The following PLVAP variants were observed in gnomAD, a reference collection of about 807,000 sequenced individuals.
The protein encoded by PLVAP is plasmalemma vesicle associated protein, also known as plasmalemma vesicle-associated protein.
PLVAP carries 34 observed loss-of-function variants against 43.1 expected under a neutral mutation model. The ratio of observed to expected loss-of-function variants is 0.79; its 90% CI spans 0.60 to 1.05. The LOEUF (loss-of-function observed/expected upper bound fraction) is 1.05. Ranked by LOEUF, PLVAP falls within the 50% of genes least tolerant of loss-of-function variation. The pLI, the probability that PLVAP is intolerant of heterozygous loss-of-function variation, is 0.00. For missense variants in PLVAP, 574 were observed against 593.4 expected, an observed-to-expected ratio of 0.97 and a Z score of 0.34; for synonymous variants, 241 against 237.3, an observed-to-expected ratio of 1.02 and a Z score of -0.14.
chr19:17,352,766 C>G (rs2074491463), intron 5 of PLVAP, among the ~76,000 whole-genome samples: 1 of 152,098 alleles, frequency 6.6e-6, no homozygotes, highest in Non-Finnish European at 1.5e-5. Context: ...TCCCCCAGAC[C>G]CCTACACTGG....
At chr19:17,364,084 TTTTG>T (rs763624255) in intron 3 of PLVAP, among the ~76,000 whole-genome samples, 14 of 149,006 alleles carry the variant, frequency 9.4e-5, no homozygotes, top group African/African-American at 2.7e-4. Context: ...GGGTTTTGTG[TTTTG>T]TTTGTTTGTT....
intron 1 of PLVAP, among the ~76,000 whole-genome samples, chr19:17,373,717 G>C (rs2145727543): frequency 6.6e-6 from 1 of 152,238 alleles, no homozygotes; most frequent in Middle Eastern, 3.4e-3. Context: ...TAGTGAGTTT[G>C]ACACAAGCCG....
rs367726351 is a variant in PLVAP, at chr19:17,365,877, C to T, written c.588G>A (p.Gln196=). Residue 196 remains glutamine, a synonymous_variant, in exon 3 of 6, where the codon CAG becomes CAA. Transcript: ENST00000252590. ...VLLNKRVAEE[Q]LVECVKTREL... ...CCCGGGTTTTCACGCATTCAACCAGCTGTTCCTCCGCCACGCGTTTGTTCA... is the reference window on the plus strand; with the variant it reads ...CCCGGGTTTTCACGCATTCAACCAGTTGTTCCTCCGCCACGCGTTTGTTCA... The T allele has an allele frequency of 6.2e-7, 1 of 1,613,972 alleles. No individual in the cohort carries two copies. Among genetic ancestry groups the T allele is most frequent in the African/African-American group, 1.3e-5 (1 of 74,932 alleles).
rs746457433 is a variant in PLVAP at position 17,376,813 on chromosome 19, A to G, written c.369+107T>C. 3.7e-5 allele frequency: 42 copies of G among 1,125,628 alleles called. 1 individual carries two copies. Among genetic ancestry groups the G allele is most frequent in the Middle Eastern group, 2.9e-4 (1 of 3,448 alleles). 69.7% of individuals were successfully genotyped at this position (1,125,628 alleles called of 1,614,324 possible). A position where few individuals can be genotyped will look rare whatever the true frequency, so the allele number is the denominator to read the frequency against. On this transcript the variant is annotated intron_variant, in intron 1 of 5. Coordinates refer to ENST00000252590, the MANE Select transcript of PLVAP (RefSeq NM_031310.3). ...ACTCTGTCTCATAAGAAAAGAGAGCATTGGTCCTGTGATCGTCCCCCTCTC... is the reference window on the plus strand; with the variant it reads ...ACTCTGTCTCATAAGAAAAGAGAGCGTTGGTCCTGTGATCGTCCCCCTCTC...
chr19:17,370,571 A>G (rs2074568210), intron 1 of PLVAP, among the ~76,000 whole-genome samples: 2 of 152,188 alleles, frequency 1.3e-5, no homozygotes, highest in African/African-American at 4.8e-5. Context: ...TTCCACTGAC[A>G]TGAAATGCCC....
At chr19:17,359,450 G>C (rs1453033573) in intron 5 of PLVAP, among the ~76,000 whole-genome samples, 1 of 151,386 alleles carries the variant, frequency 6.6e-6, no homozygotes, top group East Asian at 1.9e-4. Context: ...TCTGTTCCCA[G>C]GCTGGAGTGC....
intron 5 of PLVAP, among the ~76,000 whole-genome samples, chr19:17,352,787 A>G (rs2074491527): frequency 6.6e-6 from 1 of 152,120 alleles, no homozygotes; most frequent in Admixed American, 6.5e-5. Context: ...TTCCCAAGGC[A>G]AGGCTTCGGT....
At chr19:17,361,796 G>T (rs983952943) in intron 3 of PLVAP, among the ~76,000 whole-genome samples, 9 of 152,132 alleles carry the variant, frequency 5.9e-5, no homozygotes, top group Non-Finnish European at 1.2e-4. Context: ...CGGGCCAGGC[G>T]TGGTGGCTCA....
chr19:17,374,728 T>C (rs2074587872), intron 1 of PLVAP, among the ~76,000 whole-genome samples: 1 of 152,054 alleles, frequency 6.6e-6, no homozygotes, highest in Middle Eastern at 3.4e-3. Context: ...TGGGCTCAAG[T>C]GATCCTCCCA....
Position 17,377,304 on chromosome 19 carries a change from G to C in PLVAP, c.-16C>G. 2.5e-6 allele frequency: 4 copies of C among 1,592,350 alleles called. No homozygotes were observed. The highest frequency in any genetic ancestry group is 2.6e-6 in the Non-Finnish European group (3 of 1,165,668). On this transcript the variant is annotated 5_prime_UTR_variant, in exon 1 of 6. Coordinates refer to ENST00000252590, the MANE Select transcript of PLVAP (RefSeq NM_031310.3). ...CCAGACCCATTTGCTCGATCCCGCC[G>C]TCCGGTGCACCGTCCCTGCTCACCA...
At chr19:17,363,078 A>C (rs1260057832) in intron 3 of PLVAP, among the ~76,000 whole-genome samples, 3 of 152,122 alleles carry the variant, frequency 2.0e-5, no homozygotes, top group African/African-American at 7.2e-5. Flanking sequence ...TCGTTTTTAG[A>C]ATTGGGAGCA....
At chr19:17,366,310 T>G (rs2074550026) in intron 1 of PLVAP, 115 bp from the exon 2 acceptor site, 1 of 923,014 alleles carries the variant, frequency 1.1e-6, no homozygotes, top group Non-Finnish European at 1.7e-6. Flanking sequence ...CACAAGGGCA[T>G]GGTCCCTTTA....
intron 5 of PLVAP, among the ~76,000 whole-genome samples, chr19:17,353,164 C>T (rs1208344769): frequency 6.6e-6 from 1 of 152,200 alleles, no homozygotes; most frequent in Non-Finnish European, 1.5e-5. Context: ...CCTTCCTTCC[C>T]CGGCTCTTCC....
intron 1 of PLVAP, among the ~76,000 whole-genome samples, chr19:17,366,641 T>C (rs1280999518): frequency 1.3e-5 from 2 of 151,850 alleles, no homozygotes; most frequent in Non-Finnish European, 2.9e-5. Flanking sequence ...TTTTTTTTTT[T>C]TGAAATGGAG....
At position 17,352,169 on chromosome 19, in the gene PLVAP, G is replaced by C. The variant is rs150081678; in HGVS notation, c.*193C>G. 9.5e-3 allele frequency: 6,713 copies of C among 707,420 alleles called. 73 individuals carry two copies. Among genetic ancestry groups the C allele is most frequent in the Middle Eastern group, 0.032 (78 of 2,464 alleles). 43.8% of individuals were successfully genotyped at this position (707,420 alleles called of 1,614,324 possible). ...GTCATCTCCGCGGCCGTGTGCTCTG[G>C]GTGAGGGATCGTGAGGCGCGGGTGC... On this transcript the variant is annotated 3_prime_UTR_variant, in exon 6 of 6. Coordinates refer to ENST00000252590, the MANE Select transcript of PLVAP (RefSeq NM_031310.3).
Position 17,351,810 on chromosome 19 carries a change from AGTGT to A in PLVAP, c.*548_*551del, listed in dbSNP as rs941946543. 1.3e-5 allele frequency: 2 copies of A among 153,990 alleles called. No individual in the cohort carries two copies. Among genetic ancestry groups the A allele is most frequent in the African/African-American group, 4.8e-5 (2 of 41,426 alleles). 9.5% of individuals were successfully genotyped at this position (153,990 alleles called of 1,614,324 possible). ...GACACTAGGTGAGAATTGGGTAGAA[AGTGT>A]GTGTGAAAGGGCATGCGTGCATGTG... is the stretch of plus-strand genomic sequence containing the variant. On this transcript the variant is annotated 3_prime_UTR_variant, in exon 6 of 6. Coordinates refer to ENST00000252590, the MANE Select transcript of PLVAP (RefSeq NM_031310.3).
intron 1 of PLVAP, among the ~76,000 whole-genome samples, chr19:17,373,317 G>A (rs540648243): frequency 1.3e-5 from 2 of 152,050 alleles, no homozygotes; most frequent in Admixed American, 1.3e-4. Context: ...GGGTTTTGGC[G>A]GATAGAGACA....
intron 1 of PLVAP, among the ~76,000 whole-genome samples, chr19:17,374,259 G>T (rs1599580149): frequency 6.6e-6 from 1 of 152,180 alleles, no homozygotes; most frequent in East Asian, 1.9e-4. Flanking sequence ...AGGGTCAGGA[G>T]ATCCAGACCA....
intron 5 of PLVAP, 75 bp downstream of exon 5, chr19:17,360,453 C>G: frequency 1.4e-6 from 2 of 1,473,192 alleles, no homozygotes; most frequent in South Asian, 2.3e-5. Context: ...ATCAGCCTCC[C>G]TCCACCCTCA....
Sources: gnomAD v4.1 joint callset for allele counts (sites outside exome capture counted in the v4.1 genomes callset) on GRCh38, gnomAD v4.1.1 for gene constraint, MANE v1.5 for transcripts, NCBI Gene and HGNC (gene_info 2026-07-23, HGNC 2026-07-21) for gene names.